The following ODC1 variants were observed in gnomAD, a reference collection of about 807,000 sequenced individuals.
ODC1 encodes the protein ornithine decarboxylase.
ODC1 carries 18 observed loss-of-function variants against 41.5 expected under a neutral mutation model. The ratio of observed to expected loss-of-function variants is 0.43; its 90% confidence interval spans 0.30 to 0.64. The LOEUF is 0.64. Ranked by LOEUF, ODC1 falls within the 30% of genes least tolerant of loss-of-function variation. The probability of loss-of-function intolerance (pLI) is 0.11; values close to 1 mark genes in which losing one functional copy is unlikely to be tolerated. For missense variants in ODC1, 504 were observed against 589.0 expected, an observed-to-expected ratio of 0.86 and a Z score of 1.49; for synonymous variants, 218 against 211.6, an observed-to-expected ratio of 1.03 and a Z score of -0.26.
At chr2:10,441,241 C>T (rs1671808171) in intron 11 of ODC1, among the ~76,000 whole-genome samples, 1 of 152,192 alleles carries the variant, frequency 6.6e-6, no homozygotes, top group South Asian at 2.1e-4. Context: ...AGCCAGCACA[C>T]CTGGCCAATT....
At chr2:10,442,798 C>A (rs1000979644) in intron 8 of ODC1, among the ~76,000 whole-genome samples, 2 of 152,010 alleles carry the variant, frequency 1.3e-5, no homozygotes, top group Admixed American at 6.6e-5. Context: ...GCAGCCTCAA[C>A]CTCCTGGGCT....
Position 10,440,668 on chromosome 2 carries a change from C to T in ODC1, c.*56G>A. The stretch of plus-strand genomic sequence containing the variant: ...CTAGCAGTAATTAAGTTACATGGTC[C>T]CCCCAAATCCCTTAATTCAAGCTAA... On this transcript the variant is annotated 3_prime_UTR_variant, in exon 12 of 12. Coordinates refer to ENST00000234111, the MANE Select transcript of ODC1 (RefSeq NM_002539.3). 3.2e-6 allele frequency: 5 copies of T among 1,546,126 alleles called. No individual in the cohort carries two copies. Among genetic ancestry groups the T allele is most frequent in the Non-Finnish European group, 4.4e-6 (5 of 1,133,740 alleles).
rs774367424 is a variant in ODC1, at chr2:10,443,818, G to C, written c.468C>G (p.Ala156=). ...GACAGACTGCTTTGGAATCATCAGT[G>C]GCAATCCGCAAAACCAACCTACAAG... The part of the protein sequence containing the change: ...HPKAKLVLRI[A]TDDSKAVCRL... The change falls in exon 6 of 12, where the codon GCC becomes GCG. Residue 156 remains alanine, a synonymous_variant. Transcript: ENST00000234111. The C allele has an allele frequency of 1.2e-5, 19 of 1,614,030 alleles. No individual in the cohort carries two copies. Among genetic ancestry groups the C allele is most frequent in the Non-Finnish European group, 1.6e-5 (19 of 1,179,940 alleles).
chr2:10,444,440 TACA>T, intron 4 of ODC1, 31 bp downstream of exon 4: 2 of 1,571,664 alleles, frequency 1.3e-6, no homozygotes, highest in East Asian at 4.5e-5. Context: ...GCCCATTTTA[TACA>T]ACGCTTTTGA....
In ODC1 at chr2:10,441,566, G is replaced by C; in HGVS notation, c.1184C>G (p.Ser395Cys). The C allele has an allele frequency of 1.2e-6, 2 of 1,614,182 alleles. No homozygotes were observed. Among genetic ancestry groups the C allele is most frequent in the Middle Eastern group, 3.3e-4 (2 of 6,062 alleles). The change falls in exon 11 of 12, where the codon TCT (serine) becomes TGT (cysteine). Residue 395 changes from serine to cysteine, a missense_variant. Transcript: ENST00000234111. ...CGGCCTCTGGAAGCCATTGAACGTA[G>C]AGGCAGCAGCAACAGTGTAAGCGCC... ...NMGAYTVAAA[S>C]TFNGFQRPTI...
Position 10,445,444 on chromosome 2 carries a change from G to C in ODC1, c.-127-180C>G, listed in dbSNP as rs182910693. On this transcript the variant is annotated intron_variant, in intron 1 of 11. Coordinates refer to ENST00000234111, the MANE Select transcript of ODC1 (RefSeq NM_002539.3). Reference sequence around the variant, plus strand: ...ATTCCATAAACCTTGGCAGTATAAGGACACAACAAAAAATACCAGGTTTTT... The same window carrying C: ...ATTCCATAAACCTTGGCAGTATAAGCACACAACAAAAAATACCAGGTTTTT... Among the ~76,000 whole-genome samples the C allele has an allele frequency of 2.8e-4, 43 of 152,134 alleles. No individual in the cohort carries two copies. In the East Asian group the frequency reaches 5.2e-3, roughly 18 times the overall value.
Position 10,441,526 on chromosome 2 carries a change from C to G in ODC1, c.1224G>C (p.Val408=), listed in dbSNP as rs1671815716. ...TTACTTACCACGCAGGCCCTGACAT[C>G]ACATAGTAGATCGTCGGCCTCTGGA... ...NGFQRPTIYY[V]MSGPAWQLMQ... The change falls in exon 11 of 12, where the codon GTG becomes GTC. Residue 408 remains valine, a synonymous_variant. Coordinates refer to ENST00000234111, the MANE Select transcript of ODC1 (RefSeq NM_002539.3). The G allele has an allele frequency of 1.2e-6, 2 of 1,614,058 alleles. No individual in the cohort carries two copies. Among genetic ancestry groups the G allele is most frequent in the Non-Finnish European group, 1.7e-6 (2 of 1,179,968 alleles).
At chr2:10,448,005 G>GT (rs1013001008) in intron 1 of ODC1, 116 bp downstream of exon 1, 5 of 153,464 alleles carry the variant, frequency 3.3e-5, no homozygotes, top group African/African-American at 9.6e-5. Flanking sequence ...CGGCGACCAC[G>GT]TGTCTCCGCA....
At chr2:10,445,443 G>A (rs943586629) in intron 1 of ODC1, among the ~76,000 whole-genome samples, 179 bp from the exon 2 acceptor site, 3 of 152,022 alleles carry the variant, frequency 2.0e-5, no homozygotes, top group African/African-American at 7.2e-5. Context: ...GGCAGTATAA[G>A]GACACAACAA....
intron 1 of ODC1, among the ~76,000 whole-genome samples, chr2:10,447,207 AC>A (rs200357846): frequency 0.011 from 1,673 of 152,322 alleles, 8 homozygotes; most frequent in Middle Eastern, 0.024. Flanking sequence ...ACTGAAGAAC[AC>A]CTTTCGGTCT....
Position 10,442,013 on chromosome 2 carries a change from A to C in ODC1, c.912T>G (p.Asp304Glu), listed in dbSNP as rs139046118. 1 of 1,613,488 alleles carries C rather than the reference A, an allele frequency of 6.2e-7. No individual in the cohort carries two copies. The highest frequency in any genetic ancestry group is 8.5e-7 in the Non-Finnish European group (1 of 1,179,538). The change falls in exon 9 of 12, where the codon GAT (aspartate) becomes GAG (glutamate). Residue 304 changes from aspartate (D) to glutamate (E), a missense_variant and splice_region_variant. By Grantham distance (45) the Asp-to-Glu change is conservative. Transcript: ENST00000234111. ...AAGTGATTCGTCCTTTATACATACCATCAGAGCCCGTCTGTTCCTTTAATA... is the reference window on the plus strand; with the variant it reads ...AAGTGATTCGTCCTTTATACATACCCTCAGAGCCCGTCTGTTCCTTTAATA... Reference protein sequence around the residue: ...KIVLKEQTGSDDEDESSEQTF... With the variant: ...KIVLKEQTGSEDEDESSEQTF...
chr2:10,444,080 G>A lies in ODC1; in HGVS notation c.449+15C>T, dbSNP rs760789535. 3 of 1,568,154 alleles carry A rather than the reference G, an allele frequency of 1.9e-6. No homozygotes were observed. The highest frequency in any genetic ancestry group is 1.4e-5 in the African/African-American group (1 of 73,306). The stretch of plus-strand genomic sequence containing the variant: ...TATGCTCCCGATCTTGCCCTCAGAT[G>A]GGGGAATAACTCACTTTGCTTTGGG... On this transcript the variant is annotated intron_variant, in intron 5 of 11. Coordinates refer to ENST00000234111, the MANE Select transcript of ODC1 (RefSeq NM_002539.3).
intron 1 of ODC1, chr2:10,447,719 G>C (rs900105989): frequency 2.0e-5 from 3 of 152,274 alleles, no homozygotes; most frequent in African/African-American, 7.2e-5. Context: ...GCCGGGGCCC[G>C]CTCGTCTGTA....
Position 10,440,631 on chromosome 2 carries a change from G to A in ODC1, c.*93C>T, listed in dbSNP as rs963868991. 4 of 1,359,430 alleles carry A rather than the reference G, an allele frequency of 2.9e-6. No homozygotes were observed. The African/African-American group carries it at 4.3e-5, about 15-fold the overall frequency. 84.2% of individuals were successfully genotyped at this position (1,359,430 alleles called of 1,614,324 possible). ...ATCATGGCGACCCTACTCTTACAAA[G>A]ACATTTCAAAACTAGCAGTAATTAA... On this transcript the variant is annotated 3_prime_UTR_variant, in exon 12 of 12. Coordinates refer to ENST00000234111, the MANE Select transcript of ODC1 (RefSeq NM_002539.3).
chr2:10,444,603 T>C lies in ODC1; in HGVS notation c.147A>G (p.Leu49=), dbSNP rs760292154. 4 of 1,614,094 alleles carry C rather than the reference T, an allele frequency of 2.5e-6. No homozygotes were observed. The Admixed American group carries it at 5.0e-5, about 20-fold the overall frequency. The change falls in exon 4 of 12, where the codon CTA becomes CTG. Residue 49 remains leucine (L), a synonymous_variant. Transcript: ENST00000234111. ...AFYVADLGDI[L]KKHLRWLKAL... ...CTTTTAACCACCTCAGATGTTTCTT[T>C]AGAATGTCTCCCAGGTCTGCCACAT...
At chr2:10,442,910 A>T (rs1671878651) in intron 8 of ODC1, among the ~76,000 whole-genome samples, 1 of 151,720 alleles carries the variant, frequency 6.6e-6, no homozygotes, top group African/African-American at 2.4e-5. Flanking sequence ...ATGGGGTCTC[A>T]CTGTGTTGCC....
intron 5 of ODC1, 93 bp from the exon 6 acceptor site, chr2:10,443,929 G>A (rs989389181): frequency 2.5e-5 from 39 of 1,547,726 alleles, no homozygotes; most frequent in Admixed American, 2.5e-4. Context: ...AAATACTGTC[G>A]CTGATATATT....
In ODC1 at chr2:10,444,938, G is replaced by A. The variant is rs371025449; in HGVS notation, c.95C>T (p.Ser32Phe). 55 of 1,610,510 alleles carry A rather than the reference G, an allele frequency of 3.4e-5. No homozygotes were observed. Among genetic ancestry groups the A allele is most frequent in the Non-Finnish European group, 4.1e-5 (48 of 1,176,972 alleles). ...DILDQKINEVSSSDDKDAFYV... is the reference protein window; with the variant it reads ...DILDQKINEVFSSDDKDAFYV... ...TGGGCCTCATATACTTACAGAAGAA[G>A]AAACTTCATTAATTTTCTGGTCCAG... The change falls in exon 3 of 12, where the codon TCT becomes TTT. Residue 32 changes from serine to phenylalanine, a missense_variant. Ser to Phe is a radical substitution (Grantham distance 155). Coordinates refer to ENST00000234111, the MANE Select transcript of ODC1 (RefSeq NM_002539.3).
Position 10,440,739 on chromosome 2 carries a change from A to G in ODC1, c.1371T>C (p.Ala457=). Residue 457 remains alanine, a synonymous_variant, in exon 12 of 12, where the codon GCT becomes GCC. Coordinates refer to ENST00000234111, the MANE Select transcript of ODC1 (RefSeq NM_002539.3). ...AGAGTGCTATCTACACATTAATACTAGCCGAAGCACAGGCTGCTCTGTGGC... is the reference window on the plus strand; with the variant it reads ...AGAGTGCTATCTACACATTAATACTGGCCGAAGCACAGGCTGCTCTGTGGC... ...MKRHRAACAS[A]SINV 6.2e-7 allele frequency: 1 copy of G among 1,614,102 alleles called. No homozygotes were observed. Among genetic ancestry groups the G allele is most frequent in the Non-Finnish European group, 8.5e-7 (1 of 1,179,980 alleles).
Sources: gnomAD v4.1 joint callset for allele counts (sites outside exome capture counted in the v4.1 genomes callset) on GRCh38, gnomAD v4.1.1 for gene constraint, MANE v1.5 for transcripts, NCBI Gene and HGNC (gene_info 2026-07-23, HGNC 2026-07-21) for gene names.